Variants in GMDS observed in about 807,000 individuals in gnomAD.
The protein encoded by GMDS is GDP-mannose 4,6 dehydratase.
GMDS carries 20 observed loss-of-function variants against 49.9 expected under a neutral mutation model. That is an observed-to-expected ratio of 0.40 (90% CI 0.28 to 0.58). The LOEUF (loss-of-function observed/expected upper bound fraction) is 0.58. Ranked by LOEUF, GMDS falls within the 20% of genes least tolerant of loss-of-function variation. The probability of loss-of-function intolerance (pLI) is 0.42; values close to 1 mark genes in which losing one functional copy is unlikely to be tolerated. For synonymous variants in GMDS, 177 were observed against 178.6 expected, an observed-to-expected ratio of 0.99 and a Z score of 0.07; for missense variants, 362 against 481.4, an observed-to-expected ratio of 0.75 and a Z score of 2.32.
intron 7 of GMDS, among the ~76,000 whole-genome samples, chr6:1,789,983 T>C (rs1769472213): frequency 6.6e-6 from 1 of 152,236 alleles, no homozygotes; most frequent in Admixed American, 6.5e-5. Flanking sequence ...GTATATTCTA[T>C]CAGTCTTTCC....
intron 7 of GMDS, among the ~76,000 whole-genome samples, chr6:1,795,070 C>T (rs1327076974): frequency 1.3e-5 from 2 of 152,100 alleles, no homozygotes; most frequent in Non-Finnish European, 2.9e-5. Context: ...CATGGTGGCG[C>T]ATGCCTGTAG....
At chr6:1,785,609 AG>A (rs985741811) in intron 7 of GMDS, among the ~76,000 whole-genome samples, 1 of 152,200 alleles carries the variant, frequency 6.6e-6, no homozygotes, top group Non-Finnish European at 1.5e-5. Context: ...AGAGCAAGTC[AG>A]GTGGGGCAGT....
chr6:1,854,773 C>T (rs536407770), intron 7 of GMDS, among the ~76,000 whole-genome samples: 20 of 152,256 alleles, frequency 1.3e-4, no homozygotes, highest in African/African-American at 2.9e-4. Flanking sequence ...CTTCTTTTCA[C>T]GTTTAGAGGA....
chr6:1,683,704 C>T (rs1320108586), intron 9 of GMDS, among the ~76,000 whole-genome samples: 1 of 152,162 alleles, frequency 6.6e-6, no homozygotes, highest in African/African-American at 2.4e-5. Context: ...TTGTGTTTTT[C>T]CTAAACTTGA....
chr6:2,171,699 T>C (rs952770631), intron 1 of GMDS, among the ~76,000 whole-genome samples: 17 of 152,080 alleles, frequency 1.1e-4, no homozygotes, highest in Non-Finnish European at 5.9e-5. Flanking sequence ...CAGAAATACA[T>C]AGTGTGAAAC....
At chr6:2,008,751 T>C (rs771794799) in intron 4 of GMDS, among the ~76,000 whole-genome samples, 1 of 152,228 alleles carries the variant, frequency 6.6e-6, no homozygotes, top group African/African-American at 2.4e-5. Context: ...TAGTGCTTCA[T>C]ACTTGTCCTG....
chr6:1,814,703 A>C (rs1321978646), intron 7 of GMDS, among the ~76,000 whole-genome samples: 9 of 152,212 alleles, frequency 5.9e-5, no homozygotes. Flanking sequence ...ATTCATATTT[A>C]ATTATACTAA....
chr6:1,690,922 T>C (rs1205352760), intron 9 of GMDS, among the ~76,000 whole-genome samples: 1 of 152,214 alleles, frequency 6.6e-6, no homozygotes, highest in Non-Finnish European at 1.5e-5. Context: ...GAATGTAAAT[T>C]AGTTCAACCA....
chr6:1,831,609 A>T (rs1756648006), intron 7 of GMDS, among the ~76,000 whole-genome samples: 1 of 152,198 alleles, frequency 6.6e-6, no homozygotes. Context: ...AAAGTTTTTT[A>T]TTCCAGCTTT....
intron 7 of GMDS, among the ~76,000 whole-genome samples, chr6:1,879,401 G>A (rs1471859386): frequency 1.3e-5 from 2 of 152,148 alleles, no homozygotes; most frequent in African/African-American, 4.8e-5. Flanking sequence ...AAGGAGTCAA[G>A]CTTGCTGGGT....
intron 7 of GMDS, among the ~76,000 whole-genome samples, chr6:1,872,352 A>G (rs1304024667): frequency 6.6e-6 from 1 of 152,260 alleles, no homozygotes; most frequent in East Asian, 1.9e-4. Context: ...TATGACTTGC[A>G]TGATGTCTGA....
At chr6:1,691,162 T>C (rs1340142584) in intron 9 of GMDS, among the ~76,000 whole-genome samples, 1 of 152,180 alleles carries the variant, frequency 6.6e-6, no homozygotes, top group Non-Finnish European at 1.5e-5. Flanking sequence ...ATATATACCA[T>C]GGAATACTAC....
chr6:2,049,988 C>G (rs750781998), intron 4 of GMDS, among the ~76,000 whole-genome samples: 1 of 152,052 alleles, frequency 6.6e-6, no homozygotes, highest in South Asian at 2.1e-4. Context: ...CAAGAGCAAA[C>G]AAATTCAAAA....
chr6:1,755,490 C>T (rs1169097141), intron 7 of GMDS, among the ~76,000 whole-genome samples: 2 of 152,136 alleles, frequency 1.3e-5, no homozygotes, highest in African/African-American at 4.8e-5. Context: ...CATCAAGCTG[C>T]CACTGACTTT....
intron 6 of GMDS, among the ~76,000 whole-genome samples, chr6:1,958,393 C>T (rs1763759456): frequency 6.6e-6 from 1 of 152,020 alleles, no homozygotes; most frequent in Admixed American, 6.6e-5. Flanking sequence ...ATTACCACGA[C>T]TGAGCAGACT....
intron 7 of GMDS, among the ~76,000 whole-genome samples, chr6:1,806,872 T>G (rs1770198597): frequency 1.3e-5 from 2 of 152,170 alleles, no homozygotes; most frequent in Admixed American, 1.3e-4. Context: ...GTCATCAGGT[T>G]TAGGATAAAG....
At chr6:2,064,670 A>G (rs1771427864) in intron 4 of GMDS, among the ~76,000 whole-genome samples, 1 of 152,034 alleles carries the variant, frequency 6.6e-6, no homozygotes, top group South Asian at 2.1e-4. Context: ...TGACAGTTAC[A>G]CTTCCCGACA....
chr6:1,840,002 T>C (rs938602074), intron 7 of GMDS, among the ~76,000 whole-genome samples: 1 of 152,222 alleles, frequency 6.6e-6, no homozygotes, highest in Admixed American at 6.5e-5. Flanking sequence ...TTATTTAAAT[T>C]TCCTTGAGGT....
chr6:1,781,529 C>T (rs199878291), intron 7 of GMDS, among the ~76,000 whole-genome samples: 8 of 152,202 alleles, frequency 5.3e-5, no homozygotes, highest in East Asian at 1.9e-4. Context: ...TGAGTGCCTG[C>T]GTGTGAAGCC....
Sources: gnomAD v4.1 joint callset for allele counts (sites outside exome capture counted in the v4.1 genomes callset) on GRCh38, gnomAD v4.1.1 for gene constraint, MANE v1.5 for transcripts, NCBI Gene and HGNC (gene_info 2026-07-23, HGNC 2026-07-21) for gene names.